The following CSMD1 variants were observed in gnomAD, a reference collection of about 807,000 sequenced individuals.
The protein encoded by CSMD1 is CUB and sushi domain-containing protein 1.
In CSMD1, 213 loss-of-function variants were observed where a neutral mutation model predicts 417.5. The observed-to-expected ratio is 0.51, with a 90% CI of 0.46 to 0.57. CSMD1 has a LOEUF of 0.57. Among genes scored for constraint, CSMD1 ranks in the 20% least tolerant of loss-of-function variants. The pLI, the probability that CSMD1 is intolerant of heterozygous loss-of-function variation, is 0.00. For synonymous variants in CSMD1, 2,862 were observed against 1,736.8 expected (o/e 1.65, Z -16.11); for missense variants, 6,923 against 4,529.7 (o/e 1.53, Z -15.17).
chr8:3,005,191 G>A (rs1490016026), intron 52 of CSMD1, among the ~76,000 whole-genome samples: 1 of 152,096 alleles, frequency 6.6e-6, no homozygotes, highest in Non-Finnish European at 1.5e-5. Context: ...GAACCATTGA[G>A]GTGTTATACG....
intron 50 of CSMD1, among the ~76,000 whole-genome samples, chr8:3,047,205 C>T (rs1290469784): frequency 4.2e-5 from 5 of 119,026 alleles, no homozygotes; most frequent in Non-Finnish European, 6.7e-5. Context: ...CAGTATAAGA[C>T]TCCCTCTCAA....
chr8:3,944,609 A>G (rs1811101136), intron 5 of CSMD1, among the ~76,000 whole-genome samples: 1 of 152,194 alleles, frequency 6.6e-6, no homozygotes, highest in African/African-American at 2.4e-5. Flanking sequence ...AGATATGCCA[A>G]CATATTCACC....
In CSMD1 at chr8:4,165,889, C is replaced by A. The variant is rs577076627; in HGVS notation, c.416-133790G>T. On this transcript the variant is annotated intron_variant, in intron 3 of 69. Coordinates refer to ENST00000635120, the MANE Select transcript of CSMD1 (RefSeq NM_033225.6). Reference sequence around the variant, plus strand: ...GCAAATTACTTTTGCACCAACCAACCTGTGCCTAGCACAGTATCAGATATA... The same window carrying A: ...GCAAATTACTTTTGCACCAACCAACATGTGCCTAGCACAGTATCAGATATA... Among the ~76,000 whole-genome samples the A allele has an allele frequency of 2.0e-5, 3 of 152,200 alleles. No individual in the cohort carries two copies. In the East Asian group the frequency reaches 5.8e-4, roughly 29 times the overall value.
At chr8:4,773,425 G>A (rs1024646487) in intron 1 of CSMD1, among the ~76,000 whole-genome samples, 2 of 152,138 alleles carry the variant, frequency 1.3e-5, no homozygotes, top group Non-Finnish European at 2.9e-5. Context: ...CTTTACTAAC[G>A]TATCGCTGTT....
intron 26 of CSMD1, among the ~76,000 whole-genome samples, chr8:3,280,630 C>A (rs1206967716): frequency 3.9e-5 from 6 of 152,076 alleles, no homozygotes; most frequent in African/African-American, 1.2e-4. Flanking sequence ...TACGTGAAAC[C>A]ATGTGAAATT....
chr8:3,192,100 T>C (rs1796459231), intron 33 of CSMD1, among the ~76,000 whole-genome samples: 1 of 152,198 alleles, frequency 6.6e-6, no homozygotes, highest in South Asian at 2.1e-4. Context: ...GCAGATTATT[T>C]TGATTAAACG....
At chr8:4,787,772 G>C (rs1044321819) in intron 1 of CSMD1, 15 of 1,581,038 alleles carry the variant, frequency 9.5e-6, no homozygotes, top group East Asian at 2.2e-5. Flanking sequence ...TGCTTCGCTG[G>C]ACTTGTTACA....
intron 12 of CSMD1, among the ~76,000 whole-genome samples, chr8:3,459,539 T>C (rs1228465346): frequency 3.3e-5 from 5 of 152,188 alleles, no homozygotes; most frequent in African/African-American, 1.2e-4. Context: ...ACATGATAAA[T>C]GCAGGTACAT....
At chr8:3,333,574 T>C (rs1484690234) in intron 23 of CSMD1, among the ~76,000 whole-genome samples, 2 of 152,220 alleles carry the variant, frequency 1.3e-5, no homozygotes, top group African/African-American at 4.8e-5. Context: ...ATGCCAGGAG[T>C]AGATATTAGA....
At chr8:3,135,905 TA>T (rs892067424) in intron 41 of CSMD1, among the ~76,000 whole-genome samples, 2 of 152,054 alleles carry the variant, frequency 1.3e-5, no homozygotes, top group Non-Finnish European at 2.9e-5. Context: ...CCATGTGTAT[TA>T]GGGCAGAAAA....
intron 5 of CSMD1, among the ~76,000 whole-genome samples, chr8:3,775,104 T>C (rs1436765806): frequency 6.6e-6 from 1 of 152,172 alleles, no homozygotes; most frequent in Non-Finnish European, 1.5e-5. Context: ...TATTTAATGT[T>C]TTTAGACTGC....
chr8:4,234,864 A>G (rs1346357758), intron 3 of CSMD1, among the ~76,000 whole-genome samples: 1 of 151,978 alleles, frequency 6.6e-6, no homozygotes, highest in East Asian at 1.9e-4. Context: ...CTCTGTCCCC[A>G]CGTAGCTTTT....
At chr8:3,820,913 C>T (rs1443578399) in intron 5 of CSMD1, among the ~76,000 whole-genome samples, 1 of 151,872 alleles carries the variant, frequency 6.6e-6, no homozygotes, top group Non-Finnish European at 1.5e-5. Flanking sequence ...TGAGGGTGTT[C>T]TATCTTTTTT....
chr8:3,011,662 G>C (rs539021517), intron 52 of CSMD1, among the ~76,000 whole-genome samples: 3 of 152,184 alleles, frequency 2.0e-5, no homozygotes. Flanking sequence ...TGTCCTCTAT[G>C]TGGGAAATAA....
At chr8:3,438,210 G>T (rs933325070) in intron 12 of CSMD1, among the ~76,000 whole-genome samples, 1 of 152,136 alleles carries the variant, frequency 6.6e-6, no homozygotes. Flanking sequence ...TCCATATGCA[G>T]TTGTAAGAGG....
intron 3 of CSMD1, among the ~76,000 whole-genome samples, chr8:4,253,429 A>G (rs560269946): frequency 7.9e-5 from 12 of 152,176 alleles, no homozygotes; most frequent in Non-Finnish European, 1.6e-4. Context: ...CCACACCAGA[A>G]CATAGCGGAA....
At chr8:3,689,846 C>G (rs1800144626) in intron 7 of CSMD1, among the ~76,000 whole-genome samples, 1 of 152,168 alleles carries the variant, frequency 6.6e-6, no homozygotes, top group Admixed American at 6.5e-5. Context: ...TCAGAAAGAA[C>G]ATGAGCTTTA....
In CSMD1 at chr8:3,308,205, G is replaced by A. The variant is rs117953967; in HGVS notation, c.3823+107C>T. The A allele has an allele frequency of 9.6e-6, 8 of 829,942 alleles. No homozygotes were observed. The East Asian group carries it at 2.1e-4, about 22-fold the overall frequency. The allele number at this position is 829,942 out of a possible 1,614,324, so 51.4% of individuals were successfully genotyped here. ...GAATACATAAAACTCACACTGGAAA[G>A]TGTGATAAAATTCCTCCTCTTTTCC... On this transcript the variant is annotated intron_variant, in intron 24 of 69. Transcript: ENST00000635120.
At chr8:3,853,011 C>T (rs1217765959) in intron 5 of CSMD1, among the ~76,000 whole-genome samples, 1 of 152,142 alleles carries the variant, frequency 6.6e-6, no homozygotes, top group Non-Finnish European at 1.5e-5. Context: ...ATCACCTCGT[C>T]CCCAACATCC....
Sources: gnomAD v4.1 joint callset for allele counts (sites outside exome capture counted in the v4.1 genomes callset) on GRCh38, gnomAD v4.1.1 for gene constraint, MANE v1.5 for transcripts, NCBI Gene and HGNC (gene_info 2026-07-23, HGNC 2026-07-21) for gene names.